TMPRSS11A: variants seen among roughly 807,000 people sequenced by gnomAD.
TMPRSS11A encodes transmembrane serine protease 11A.
In TMPRSS11A, 53 loss-of-function variants were observed where a neutral mutation model predicts 58.9. That is an observed-to-expected ratio of 0.90 (90% CI 0.72 to 1.13). The LOEUF (loss-of-function observed/expected upper bound fraction) is 1.13. TMPRSS11A is among the 50% of genes most tolerant of loss of function. TMPRSS11A has a pLI of 0.00. For missense variants in TMPRSS11A, 493 were observed against 499.3 expected, an observed-to-expected ratio of 0.99 and a Z score of 0.12; for synonymous variants, 167 against 169.8, an observed-to-expected ratio of 0.98 and a Z score of 0.13.
intron 2 of TMPRSS11A, 52 bp downstream of exon 2, chr4:67,946,398 A>C (rs765686106): frequency 1.3e-6 from 2 of 1,537,524 alleles, no homozygotes; most frequent in Non-Finnish European, 1.7e-6. Context: ...ATGTAAATGG[A>C]GCTTTGCAGA....
intron 3 of TMPRSS11A, among the ~76,000 whole-genome samples, chr4:67,934,115 T>TAGGACTC (rs1720695252): frequency 1.3e-5 from 2 of 152,242 alleles, no homozygotes; most frequent in Admixed American, 1.3e-4. Flanking sequence ...AAAAGGATCC[T>TAGGACTC]TCTTTATAAA....
chr4:67,954,798 A>G (rs150272740), intron 1 of TMPRSS11A, among the ~76,000 whole-genome samples: 119 of 152,328 alleles, frequency 7.8e-4, no homozygotes, highest in African/African-American at 2.7e-3. Context: ...TAGCTTTGCA[A>G]TGTGAGGCAA....
At chr4:67,946,854 T>A (rs1721029164) in intron 1 of TMPRSS11A, among the ~76,000 whole-genome samples, 2 of 152,198 alleles carry the variant, frequency 1.3e-5, no homozygotes, top group South Asian at 2.1e-4. Context: ...GTGGCATACA[T>A]GCTTGAAAAG....
At chr4:67,912,279 TCAA>T (rs1278275336) in intron 9 of TMPRSS11A, among the ~76,000 whole-genome samples, 1 of 93,960 alleles carries the variant, frequency 1.1e-5, no homozygotes, top group Admixed American at 9.5e-5. Flanking sequence ...TTCCACCATA[TCAA>T]CACACACACA....
intron 1 of TMPRSS11A, among the ~76,000 whole-genome samples, chr4:67,953,508 A>G (rs562864405): frequency 6.6e-6 from 1 of 152,266 alleles, no homozygotes; most frequent in Non-Finnish European, 1.5e-5. Context: ...GTAAAAAATT[A>G]TTTCTTGGGG....
At chr4:67,945,767 G>T (rs991939640) in intron 2 of TMPRSS11A, among the ~76,000 whole-genome samples, 2 of 152,284 alleles carry the variant, frequency 1.3e-5, no homozygotes, top group East Asian at 3.9e-4. Flanking sequence ...ACATTGTAGA[G>T]ATTTGTGAAA....
intron 3 of TMPRSS11A, among the ~76,000 whole-genome samples, chr4:67,937,767 T>C (rs1406330256): frequency 4.6e-5 from 7 of 152,106 alleles, no homozygotes; most frequent in Non-Finnish European, 1.0e-4. Flanking sequence ...TATAGATATA[T>C]ATACATATAT....
At chr4:67,961,482 CCTTTTTTTTTTTTTTT>C (rs1167576501) in intron 1 of TMPRSS11A, among the ~76,000 whole-genome samples, 1,599 of 102,366 alleles carry the variant, frequency 0.016, 145 homozygotes, top group African/African-American at 0.031. Context: ...CTTTTCTTTT[CCTTTTTTTTTTTTTTT>C]TTTTTTTTTT....
At chr4:67,946,901 T>C (rs535977744) in intron 1 of TMPRSS11A, among the ~76,000 whole-genome samples, 40 of 152,274 alleles carry the variant, frequency 2.6e-4, no homozygotes, top group Middle Eastern at 6.8e-3. Flanking sequence ...TTGTTATCTC[T>C]TTTATCTGTC....
At chr4:67,930,301 T>A (rs956890367) in intron 4 of TMPRSS11A, among the ~76,000 whole-genome samples, 1 of 152,192 alleles carries the variant, frequency 6.6e-6, no homozygotes, top group Non-Finnish European at 1.5e-5. Flanking sequence ...ATCATCAAAA[T>A]TACAAGCTCT....
intron 3 of TMPRSS11A, among the ~76,000 whole-genome samples, chr4:67,936,807 T>G (rs1720765872): frequency 6.6e-6 from 1 of 152,234 alleles, no homozygotes; most frequent in Non-Finnish European, 1.5e-5. Context: ...TTTAAAGATT[T>G]GCAATTAAGG....
Position 67,959,719 on chromosome 4 carries a change from A to G in TMPRSS11A, c.11+3664T>C, listed in dbSNP as rs1721377795. 1.3e-5 allele frequency among the ~76,000 whole-genome samples: 2 copies of G among 152,234 alleles called. 1 individual carries two copies. Among genetic ancestry groups the G allele is most frequent in the South Asian group, 4.1e-4 (2 of 4,838 alleles). ...AGAAAAGGGAATTTTTATACACTGT[A>G]GGTGGGAATGTAAACTAGTTCAGCC... On this transcript the variant is annotated intron_variant, in intron 1 of 9. Transcript: ENST00000508048.
intron 5 of TMPRSS11A, 142 bp from the exon 6 acceptor site, chr4:67,924,308 A>T: frequency 1.4e-6 from 1 of 731,582 alleles, no homozygotes; most frequent in Non-Finnish European, 2.4e-6. Context: ...TGGCTATCTG[A>T]TATAACAACA....
At chr4:67,943,145 C>T (rs1720919196) in intron 3 of TMPRSS11A, among the ~76,000 whole-genome samples, 1 of 152,144 alleles carries the variant, frequency 6.6e-6, no homozygotes, top group African/African-American at 2.4e-5. Context: ...CCTTACTTAA[C>T]TTAGCCTTAG....
At position 67,932,035 on chromosome 4, in the gene TMPRSS11A, G is replaced by A. The variant is rs1048628279; in HGVS notation, c.278C>T (p.Ala93Val). 4.4e-6 allele frequency: 7 copies of A among 1,598,602 alleles called. No homozygotes were observed. The highest frequency in any genetic ancestry group is 1.1e-5 in the South Asian group (1 of 90,580). Residue 93 changes from alanine to valine, a missense_variant, in exon 4 of 10, where the codon GCC becomes GTC. Ala to Val is a moderately conservative substitution (Grantham distance 64). Coordinates refer to ENST00000508048, the MANE Select transcript of TMPRSS11A (RefSeq NM_001114387.2). ...NLVDEIFIDS[A>V]WKKNYIKNQV... ...GTTCTTGATATAATTTTTCTTCCAG[G>A]CTGAATCTATAAATATCTCATCCAC... is the stretch of plus-strand genomic sequence containing the variant.
At chr4:67,930,136 T>C in intron 4 of TMPRSS11A, 96 bp from the exon 5 acceptor site, 1 of 1,139,108 alleles carries the variant, frequency 8.8e-7, no homozygotes, top group Non-Finnish European at 1.2e-6. Context: ...GATCCCTCAG[T>C]TGCTGAGAGT....
In TMPRSS11A at chr4:67,914,593, A is replaced by G. The variant is rs369475002; in HGVS notation, c.1090T>C (p.Cys364Arg). ...AGYMEGIYDACRGDSGGPLVT... is the reference protein window; with the variant it reads ...AGYMEGIYDARRGDSGGPLVT... The stretch of plus-strand genomic sequence containing the variant: ...AAAAAATCCCTCCAACTTACCCTGC[A>G]GGCATCATAAATTCCTTCCATATAT... The change falls in exon 9 of 10, where the codon TGC becomes CGC. Residue 364 changes from cysteine to arginine, a missense_variant. Physicochemically the swap from Cys to Arg is radical, Grantham distance 180. Transcript: ENST00000508048. 2.5e-5 allele frequency: 40 copies of G among 1,613,486 alleles called. No homozygotes were observed. The highest frequency in any genetic ancestry group is 3.1e-5 in the Non-Finnish European group (36 of 1,179,756).
At chr4:67,937,865 TG>T (rs1201793512) in intron 3 of TMPRSS11A, among the ~76,000 whole-genome samples, 3 of 152,106 alleles carry the variant, frequency 2.0e-5, no homozygotes, top group Non-Finnish European at 2.9e-5. Context: ...TGGTAATTAA[TG>T]TGAGAGTGCA....
chr4:67,953,885 C>T (rs538879088), intron 1 of TMPRSS11A, among the ~76,000 whole-genome samples: 5 of 152,268 alleles, frequency 3.3e-5, no homozygotes, highest in East Asian at 1.9e-4. Flanking sequence ...TGGGATATCT[C>T]GTGGTCAGAT....
Sources: gnomAD v4.1 joint callset for allele counts (sites outside exome capture counted in the v4.1 genomes callset) on GRCh38, gnomAD v4.1.1 for gene constraint, MANE v1.5 for transcripts, NCBI Gene and HGNC (gene_info 2026-07-23, HGNC 2026-07-21) for gene names.